Variants in MYO9B observed in about 807,000 individuals in gnomAD.
MYO9B encodes the protein myosin IXB.
A neutral mutation model predicts 229.5 loss-of-function variants in MYO9B; 71 were observed. The ratio of observed to expected loss-of-function variants is 0.31; its 90% CI spans 0.26 to 0.38. The LOEUF (loss-of-function observed/expected upper bound fraction) is 0.38. MYO9B is among the 10% of genes least tolerant of loss of function. The pLI, the probability that MYO9B is intolerant of heterozygous loss-of-function variation, is 1.00. For missense variants in MYO9B, 2,255 were observed against 2,920.5 expected (o/e 0.77, Z 5.25); for synonymous variants, 1,185 against 1,235.8 (o/e 0.96, Z 0.86).
chr19:17,117,811 G>A (rs921289984), intron 2 of MYO9B, among the ~76,000 whole-genome samples: 3 of 151,644 alleles, frequency 2.0e-5, no homozygotes, highest in African/African-American at 4.9e-5. Flanking sequence ...GGTGGCAGGC[G>A]CCTGTAATCC....
chr19:17,160,564 G>C (rs1248774775), intron 8 of MYO9B, among the ~76,000 whole-genome samples: 1 of 142,602 alleles, frequency 7.0e-6, no homozygotes, highest in Non-Finnish European at 1.5e-5. Flanking sequence ...CTGGAGTGTA[G>C]TGGCACAATC....
chr19:17,173,061 A>T (rs2072743988), intron 13 of MYO9B, 98 bp downstream of exon 13: 10 of 1,393,306 alleles, frequency 7.2e-6, no homozygotes, highest in African/African-American at 1.4e-5. Context: ...CATTTAGTAC[A>T]TTCATTATGT....
rs7507917 is a variant in MYO9B at position 17,191,963 on chromosome 19, C to T, written c.2811+744C>T. On this transcript the variant is annotated intron_variant, in intron 20 of 39. Coordinates refer to ENST00000682292, the MANE Select transcript of MYO9B (RefSeq NM_004145.4). Reference sequence around the variant, plus strand: ...CCGAGCGAGATCTCATTTCTTTTTTCTTTTTTGTTTTTATTTTTGAGACAG... The same window carrying T: ...CCGAGCGAGATCTCATTTCTTTTTTTTTTTTTGTTTTTATTTTTGAGACAG... Among the ~76,000 whole-genome samples the T allele has an allele frequency of 1.4e-4, 21 of 148,764 alleles. No individual in the cohort carries two copies. The East Asian group carries it at 3.0e-3, about 21-fold the overall frequency.
chr19:17,118,639 G>A (rs761351013), intron 2 of MYO9B, among the ~76,000 whole-genome samples: 10 of 151,766 alleles, frequency 6.6e-5, no homozygotes, highest in Non-Finnish European at 1.3e-4. Flanking sequence ...GCGCCATCAC[G>A]CCCACCTGAT....
chr19:17,191,281 G>C (rs1294524653), intron 20 of MYO9B, 62 bp downstream of exon 20: 2 of 1,539,786 alleles, frequency 1.3e-6, no homozygotes, highest in Admixed American at 4.0e-5. Flanking sequence ...CGCACACCGT[G>C]TCTCCCCAGG....
chr19:17,187,423 G>A (rs774283951), intron 18 of MYO9B, among the ~76,000 whole-genome samples: 5 of 151,978 alleles, frequency 3.3e-5, no homozygotes, highest in African/African-American at 7.2e-5. Context: ...GGCTTTGTCC[G>A]CCCCATCACC....
At chr19:17,077,976 G>C (rs1165831117) in intron 1 of MYO9B, among the ~76,000 whole-genome samples, 3 of 152,176 alleles carry the variant, frequency 2.0e-5, no homozygotes, top group Non-Finnish European at 2.9e-5. Context: ...GTCCAGTCTG[G>C]TGACTCAGTG....
chr19:17,108,632 G>A (rs2057816379), intron 2 of MYO9B, among the ~76,000 whole-genome samples: 1 of 152,164 alleles, frequency 6.6e-6, no homozygotes, highest in African/African-American at 2.4e-5. Context: ...CTTCCCATAA[G>A]ACCCAATCAC....
In MYO9B at chr19:17,206,142, G is replaced by C; in HGVS notation, c.5247G>C (p.Ala1749=). Reference sequence around the variant, plus strand: ...ACCGCACTCGGGAGCTCCGGCAGGCGCTGCAGACAGGTGGGCGCTGTGGGC... The same window carrying C: ...ACCGCACTCGGGAGCTCCGGCAGGCCCTGCAGACAGGTGGGCGCTGTGGGC... ...AANRTRELRQ[A]LQTDPAAVKL... is the part of the protein sequence containing the mutation. The change falls in exon 32 of 40, where the codon GCG becomes GCC. Residue 1749 remains alanine (A), a synonymous_variant. Transcript: ENST00000682292. The C allele has an allele frequency of 1.2e-6, 2 of 1,606,674 alleles. No homozygotes were observed. The highest frequency in any genetic ancestry group is 1.7e-6 in the Non-Finnish European group (2 of 1,175,722).
In MYO9B at chr19:17,198,269, C is replaced by A. The variant is rs2073068987; in HGVS notation, c.4199C>A (p.Pro1400Gln). 2 of 1,613,976 alleles carry A rather than the reference C, an allele frequency of 1.2e-6. No homozygotes were observed. Among genetic ancestry groups the A allele is most frequent in the South Asian group, 2.2e-5 (2 of 91,086 alleles). The change falls in exon 24 of 40, where the codon CCA becomes CAA. Residue 1400 changes from proline (P) to glutamine (Q), a missense_variant. By Grantham distance (76) the Pro-to-Gln change is moderately conservative. Around this residue, in one of 7 missense-constraint regions of MYO9B, gnomAD observed 679 missense variants for 770.2 expected, o/e 0.88. Transcript: ENST00000682292. ...AAGCCAGGCGACGCATCCTCCCTCC[C>A]AGACGCAGGGCTGTCCCCGGGCTCT... is the stretch of plus-strand genomic sequence containing the variant. Reference protein sequence around the residue: ...KKKPGDASSLPDAGLSPGSQV... With the variant: ...KKKPGDASSLQDAGLSPGSQV...
chr19:17,142,381 G>A (rs1002059864), intron 2 of MYO9B, among the ~76,000 whole-genome samples: 2 of 152,112 alleles, frequency 1.3e-5, no homozygotes, highest in African/African-American at 4.8e-5. Context: ...ACCAGGTAAA[G>A]GCGATGGCTG....
intron 32 of MYO9B, 23 bp from the exon 33 acceptor site, chr19:17,206,225 G>GGGGGGGGGCCCCCCCCC: frequency 6.4e-7 from 1 of 1,564,664 alleles, no homozygotes; most frequent in South Asian, 1.2e-5. Flanking sequence ...CCGCTCACCA[G>GGGGGGGGGCCCCCCCCC]ACCCACCCCA....
chr19:17,206,616 T>C lies in MYO9B; in HGVS notation c.5387-63T>C, dbSNP rs985435275. ...ACCTGTGCATCTCAGGTCGTGTTGG[T>C]GGGGACAACAGGCACCTTGGGGACC... On this transcript the variant is annotated intron_variant, in intron 33 of 39. Coordinates refer to ENST00000682292, the MANE Select transcript of MYO9B (RefSeq NM_004145.4). 7.0e-6 allele frequency: 10 copies of C among 1,431,808 alleles called. No individual in the cohort carries two copies. The African/African-American group carries it at 9.9e-5, about 14-fold the overall frequency. The allele number at this position is 1,431,808 out of a possible 1,614,324, so 88.7% of individuals were successfully genotyped here.
intron 3 of MYO9B, among the ~76,000 whole-genome samples, chr19:17,149,608 A>T (rs2072454924): frequency 1.3e-5 from 2 of 152,186 alleles, no homozygotes; most frequent in African/African-American, 4.8e-5. Flanking sequence ...GATCACACAA[A>T]GAGCCGGCTC....
At chr19:17,077,745 T>C (rs2057499730) in intron 1 of MYO9B, among the ~76,000 whole-genome samples, 1 of 152,180 alleles carries the variant, frequency 6.6e-6, no homozygotes, top group Admixed American at 6.5e-5. Flanking sequence ...GGCCTTGAAC[T>C]CCTCACAGCA....
chr19:17,198,015 C>T (rs899073101), intron 23 of MYO9B, 157 bp downstream of exon 23: 76 of 1,315,006 alleles, frequency 5.8e-5, no homozygotes, highest in Middle Eastern at 2.6e-4. Context: ...CCTCGCGAGA[C>T]CAGGCCACTG....
At chr19:17,180,400 G>GTGCA (rs1049963013) in intron 14 of MYO9B, among the ~76,000 whole-genome samples, 3 of 126,678 alleles carry the variant, frequency 2.4e-5, no homozygotes, top group Non-Finnish European at 4.7e-5. Flanking sequence ...CCAGGCTGGA[G>GTGCA]TGCAATGGAT....
chr19:17,086,500 G>A (rs1037686912), intron 1 of MYO9B, among the ~76,000 whole-genome samples: 6 of 152,296 alleles, frequency 3.9e-5, no homozygotes, highest in Admixed American at 6.5e-5. Context: ...TGTGGGGGCC[G>A]TGCTGTGCAC....
intron 1 of MYO9B, among the ~76,000 whole-genome samples, chr19:17,077,475 G>C (rs2057496132): frequency 6.6e-6 from 1 of 152,180 alleles, no homozygotes; most frequent in African/African-American, 2.4e-5. Context: ...CTGTAGGCTT[G>C]CACTGGCCTA....
Sources: gnomAD v4.1 joint callset for allele counts (sites outside exome capture counted in the v4.1 genomes callset) on GRCh38, gnomAD v4.1.1 for gene constraint, gnomAD v4.1.1 regional missense constraint, MANE v1.5 for transcripts, NCBI Gene and HGNC (gene_info 2026-07-23, HGNC 2026-07-21) for gene names.